The following SSC5D variants were observed in gnomAD, a reference collection of about 807,000 sequenced individuals.
The protein encoded by SSC5D is soluble scavenger receptor cysteine-rich domain-containing protein SSC5D.
Under a neutral mutation model 104.6 loss-of-function variants are expected in SSC5D, and 106 were observed. That is an observed-to-expected ratio of 1.01 (90% CI 0.87 to 1.19). SSC5D has a LOEUF of 1.19. SSC5D is among the 50% of genes most tolerant of loss of function. The pLI, the probability that SSC5D is intolerant of heterozygous loss-of-function variation, is 0.00. For missense variants in SSC5D, 1,993 were observed against 2,153.8 expected, an observed-to-expected ratio of 0.93 and a Z score of 1.48; for synonymous variants, 860 against 883.5, an observed-to-expected ratio of 0.97 and a Z score of 0.47.
chr19:55,491,007 C>G lies in SSC5D; in HGVS notation c.822C>G (p.Leu274=). ...DVGCGGGEQA[L]RDCPRSPWGR... is the part of the protein sequence containing the mutation. ...GGTGTGGAGGAGGAGAACAGGCCCT[C>G]CGAGACTGCCCCCGAAGCCCCTGGG... Residue 274 remains leucine, a synonymous_variant, in exon 6 of 14, where the codon CTC becomes CTG. Coordinates refer to ENST00000389623, the MANE Select transcript of SSC5D (RefSeq NM_001144950.2). 1 of 1,550,044 alleles carries G rather than the reference C, an allele frequency of 6.5e-7. No individual in the cohort carries two copies.
chr19:55,494,644 C>T lies in SSC5D; in HGVS notation c.1248C>T (p.Pro416=). Residue 416 remains proline (P), a synonymous_variant, in exon 8 of 14, where the codon CCC becomes CCT. Transcript: ENST00000389623. ...TGGGCTACGTCCCTCCCACGGCCCC[C>T]ACGGACAGCAACAACTCCACGCCCA... ...MPLGYVPPTA[P]TDSNNSTPRE... The T allele has an allele frequency of 6.5e-7, 1 of 1,546,034 alleles. No homozygotes were observed. The highest frequency in any genetic ancestry group is 8.7e-7 in the Non-Finnish European group (1 of 1,144,158).
Position 55,518,991 on chromosome 19 carries a change from A to G in SSC5D, c.4715A>G (p.Asp1572Gly). Residue 1572 changes from aspartate (D) to glycine (G), a missense_variant, in exon 14 of 14, where the codon GAC becomes GGC. Coordinates refer to ENST00000389623, the MANE Select transcript of SSC5D (RefSeq NM_001144950.2). ...GAAGAAGAAAGACCCCTGAGGGGAG[A>G]CGTGTGACCCTCTCCAGGATTTGAG... ...PEEEERPLRG[D>G]V 6.5e-7 allele frequency: 1 copy of G among 1,550,274 alleles called. No homozygotes were observed. Among genetic ancestry groups the G allele is most frequent in the Non-Finnish European group, 8.7e-7 (1 of 1,146,870 alleles).
intron 12 of SSC5D, among the ~76,000 whole-genome samples, chr19:55,506,764 C>T (rs987067863): frequency 5.9e-5 from 9 of 152,128 alleles, no homozygotes; most frequent in African/African-American, 2.2e-4. Context: ...ATACAAACGT[C>T]AGTTCATGTG....
intron 12 of SSC5D, among the ~76,000 whole-genome samples, chr19:55,505,562 T>C (rs955609734): frequency 6.6e-6 from 1 of 151,788 alleles, no homozygotes. Context: ...TGGTTCCCTT[T>C]GGAAGGCTCT....
rs530304861 is a variant in SSC5D at position 55,505,723 on chromosome 19, G to A, written c.2785+4522G>A. Among the ~76,000 whole-genome samples the A allele has an allele frequency of 5.3e-5, 8 of 151,768 alleles. No individual in the cohort carries two copies. The East Asian group carries it at 1.5e-3, about 29-fold the overall frequency. ...GTATTTTTCTCTCTCACTGTGGCTT[G>A]AAAGGTTCTCTGATTTTATTTATTT... On this transcript the variant is annotated intron_variant, in intron 12 of 13. Coordinates refer to ENST00000389623, the MANE Select transcript of SSC5D (RefSeq NM_001144950.2).
At position 55,490,872 on chromosome 19, in the gene SSC5D, GC is replaced by G; in HGVS notation, c.688del (p.Arg230AlafsTer5). The G allele has an allele frequency of 6.5e-7, 1 of 1,546,772 alleles. No individual in the cohort carries two copies. The highest frequency in any genetic ancestry group is 1.2e-5 in the South Asian group (1 of 83,630). On this transcript the variant is annotated frameshift_variant, in exon 6 of 14. Coordinates refer to ENST00000389623, the MANE Select transcript of SSC5D (RefSeq NM_001144950.2). LOFTEE classifies it high-confidence loss of function. ...CCGTATGTGACGATGGCTGGGACCT[GC>G]GCGACGCTGCTGTAGCCTGCCGGGA... is the stretch of plus-strand genomic sequence containing the variant. ...GTVCDDGWDL[R>X]DAAVACRELG...
chr19:55,502,581 C>T (rs576102046), intron 12 of SSC5D, among the ~76,000 whole-genome samples: 73 of 152,124 alleles, frequency 4.8e-4, no homozygotes, highest in African/African-American at 1.7e-3. Flanking sequence ...ATCTGTCTTT[C>T]CCCCTCAGTC....
At chr19:55,512,771 C>T (rs1303458163) in intron 12 of SSC5D, among the ~76,000 whole-genome samples, 6 of 152,178 alleles carry the variant, frequency 3.9e-5, no homozygotes, top group Non-Finnish European at 7.3e-5. Flanking sequence ...GCTTGAGCCA[C>T]GGCGCCAGGC....
chr19:55,493,994 G>GGGGGGCT (rs1987239480), intron 7 of SSC5D, 82 bp downstream of exon 7: 8 of 143,838 alleles, frequency 5.6e-5, no homozygotes, highest in South Asian at 1.6e-4. Context: ...GGGCGGGGGG[G>GGGGGGCT]TCCCTACGCG....
Position 55,489,451 on chromosome 19 carries a change from C to T in SSC5D, c.150C>T (p.Asp50=). 3 of 1,484,034 alleles carry T rather than the reference C, an allele frequency of 2.0e-6. No homozygotes were observed. The highest frequency in any genetic ancestry group is 2.7e-5 in the South Asian group (2 of 74,438). The allele number at this position is 1,484,034 out of a possible 1,614,324, so 91.9% of individuals were successfully genotyped here. ...GCACCGTGTGTGATGACGGCTGGGA[C>T]CTGCGCGATGCCGCCGTGGCCTGCC... ...RWGTVCDDGW[D]LRDAAVACRQ... is the part of the protein sequence containing the mutation. The change falls in exon 3 of 14, where the codon GAC becomes GAT. Residue 50 remains aspartate, a synonymous_variant. Coordinates refer to ENST00000389623, the MANE Select transcript of SSC5D (RefSeq NM_001144950.2).
At chr19:55,507,686 A>G (rs916109468) in intron 12 of SSC5D, among the ~76,000 whole-genome samples, 2 of 151,278 alleles carry the variant, frequency 1.3e-5, no homozygotes, top group African/African-American at 4.8e-5. Flanking sequence ...AAAAAAAAAA[A>G]AAGAAAAAAA....
chr19:55,488,496 C>G lies in SSC5D; in HGVS notation c.-94C>G. On this transcript the variant is annotated 5_prime_UTR_variant, in exon 1 of 14. Transcript: ENST00000389623. ...CTCGGGCCTGGGCGCCTCCAGCAGG[C>G]ACTTCCCTCCCTCCCTCTCTCCCCA... The G allele has an allele frequency of 8.7e-6, 10 of 1,148,918 alleles. No homozygotes were observed. Among genetic ancestry groups the G allele is most frequent in the African/African-American group, 1.6e-5 (1 of 64,232 alleles). 71.2% of individuals were successfully genotyped at this position (1,148,918 alleles called of 1,614,324 possible). A position where few individuals can be genotyped will look rare whatever the true frequency, so the allele number is the denominator to read the frequency against.
At chr19:55,490,709 G>A (rs1987114969) in intron 5 of SSC5D, 63 bp from the exon 6 acceptor site, 12 of 1,429,884 alleles carry the variant, frequency 8.4e-6, no homozygotes, top group Non-Finnish European at 1.1e-5. Context: ...GGTGGAAATC[G>A]AGGAAGGGGT....
chr19:55,493,716 T>C lies in SSC5D; in HGVS notation c.1017T>C (p.Ala339=), dbSNP rs751545720. The change falls in exon 7 of 14, where the codon GCT becomes GCC. Residue 339 remains alanine (A), a synonymous_variant. Transcript: ENST00000389623. ...ACGCCTGGGACCTGCGAGACGCCGC[T>C]GTGGCCTGCCGAGAGCTGGGCTGCG... is the stretch of plus-strand genomic sequence containing the variant. ...CDDAWDLRDA[A]VACRELGCGG... The C allele has an allele frequency of 2.2e-5, 33 of 1,517,724 alleles. No individual in the cohort carries two copies. The highest frequency in any genetic ancestry group is 2.8e-5 in the African/African-American group (2 of 71,098). The allele number at this position is 1,517,724 out of a possible 1,614,324, so 94.0% of individuals were successfully genotyped here. A position where few individuals can be genotyped will look rare whatever the true frequency, so the allele number is the denominator to read the frequency against.
chr19:55,510,253 C>T (rs1402010849), intron 12 of SSC5D, among the ~76,000 whole-genome samples: 4 of 152,184 alleles, frequency 2.6e-5, no homozygotes, highest in Admixed American at 6.5e-5. Flanking sequence ...CCTGCCTTGG[C>T]CTCCCAAAGT....
In SSC5D at chr19:55,490,288, C is replaced by G; in HGVS notation, c.476-10C>G. On this transcript the variant is annotated splice_polypyrimidine_tract_variant and intron_variant, in intron 4 of 13. Coordinates refer to ENST00000389623, the MANE Select transcript of SSC5D (RefSeq NM_001144950.2). Reference sequence around the variant, plus strand: ...CTCAGCTCCTGACCCCTGGCTGTCTCCACTCCCAGCCCCCCGCCCAGCTGG... The same window carrying G: ...CTCAGCTCCTGACCCCTGGCTGTCTGCACTCCCAGCCCCCCGCCCAGCTGG... 1 of 845,754 alleles carries G rather than the reference C, an allele frequency of 1.2e-6. No individual in the cohort carries two copies. 52.4% of individuals were successfully genotyped at this position (845,754 alleles called of 1,614,324 possible). A position where few individuals can be genotyped will look rare whatever the true frequency, so the allele number is the denominator to read the frequency against.
intron 2 of SSC5D, 26 bp downstream of exon 2, chr19:55,489,058 GCCCGCC>G: frequency 4.2e-6 from 5 of 1,203,616 alleles, no homozygotes; most frequent in Non-Finnish European, 4.3e-6. Context: ...CCTCCCATCT[GCCCGCC>G]CCCCCCCCCA....
In SSC5D at chr19:55,491,089, G is replaced by A. The variant is rs1484858645; in HGVS notation, c.895+9G>A. 2 of 1,545,304 alleles carry A rather than the reference G, an allele frequency of 1.3e-6. No individual in the cohort carries two copies. ...GGGGCTGGTCTGCACCGGTACGTCGGGCTGGGGCCTGGCCCCCTCCTGTCT... is the reference window on the plus strand; with the variant it reads ...GGGGCTGGTCTGCACCGGTACGTCGAGCTGGGGCCTGGCCCCCTCCTGTCT... On this transcript the variant is annotated intron_variant, in intron 6 of 13. Coordinates refer to ENST00000389623, the MANE Select transcript of SSC5D (RefSeq NM_001144950.2).
At chr19:55,497,057 G>GACT in intron 8 of SSC5D, among the ~76,000 whole-genome samples, 1 of 152,298 alleles carries the variant, frequency 6.6e-6, no homozygotes, top group East Asian at 1.9e-4. Context: ...CACCGTGCCG[G>GACT]GCCTGCTGCT....
Sources: gnomAD v4.1 joint callset for allele counts (sites outside exome capture counted in the v4.1 genomes callset) on GRCh38, gnomAD v4.1.1 for gene constraint, MANE v1.5 for transcripts, NCBI Gene and HGNC (gene_info 2026-07-23, HGNC 2026-07-21) for gene names.